Variants in RBFOX3 observed in about 807,000 individuals in gnomAD.
RBFOX3 encodes RNA binding protein fox-1 homolog 3.
Under a neutral mutation model 48.7 loss-of-function variants are expected in RBFOX3, and 17 were observed. The ratio of observed to expected loss-of-function variants is 0.35; its 90% CI spans 0.24 to 0.52. The LOEUF (loss-of-function observed/expected upper bound fraction) is 0.52, where lower values mean the gene tolerates loss of function less well. Ranked by LOEUF, RBFOX3 falls within the 20% of genes least tolerant of loss-of-function variation. RBFOX3 has a pLI of 0.94. For missense variants in RBFOX3, 382 were observed against 497.5 expected (o/e 0.77, Z 2.21); for synonymous variants, 212 against 209.5 (o/e 1.01, Z -0.10).
At chr17:79,558,616 A>G (rs2091953531) in intron 1 of RBFOX3, among the ~76,000 whole-genome samples, 8 of 152,238 alleles carry the variant, frequency 5.3e-5, no homozygotes, top group Admixed American at 2.6e-4. Flanking sequence ...CCATGCACTC[A>G]CTGCTTGAGA....
At chr17:79,094,709 A>G (rs976671104) in intron 13 of RBFOX3, among the ~76,000 whole-genome samples, 180 bp from the exon 14 acceptor site, 1 of 148,470 alleles carries the variant, frequency 6.7e-6, no homozygotes, top group Non-Finnish European at 1.5e-5. Context: ...TCTTGTTAAG[A>G]AGGAAGCTTC....
At chr17:79,192,006 A>G (rs1443738166) in intron 4 of RBFOX3, among the ~76,000 whole-genome samples, 2 of 152,084 alleles carry the variant, frequency 1.3e-5, no homozygotes, top group Non-Finnish European at 2.9e-5. Context: ...GGAAGTGCCT[A>G]TCTGGTGGGG....
At chr17:79,631,945 C>G in the RBFOX3 span, among the ~76,000 whole-genome samples, 1 of 152,170 alleles carries the variant, frequency 6.6e-6, no homozygotes, top group Non-Finnish European at 1.5e-5. Context: ...AGAGAATGAA[C>G]AGCTCACGGA....
rs147846483 is a variant in RBFOX3 at position 79,454,022 on chromosome 17, G to A, written c.-175+28432C>T. Among the ~76,000 whole-genome samples, 6 of 152,240 alleles carry A rather than the reference G, an allele frequency of 3.9e-5. No individual in the cohort carries two copies. In the South Asian group the frequency reaches 8.3e-4, roughly 21 times the overall value. Reference sequence around the variant, plus strand: ...TGAGTTGGGAAGCGTCTTTGGTGACGTCCTGTGTAGGAAATGCGCTCTGAC... The same window carrying A: ...TGAGTTGGGAAGCGTCTTTGGTGACATCCTGTGTAGGAAATGCGCTCTGAC... On this transcript the variant is annotated intron_variant, in intron 2 of 14. Transcript: ENST00000693108.
intron 3 of RBFOX3, among the ~76,000 whole-genome samples, chr17:79,285,177 C>T (rs1051805258): frequency 5.3e-5 from 8 of 152,198 alleles, no homozygotes; most frequent in African/African-American, 1.7e-4. Context: ...GAACAGCCAA[C>T]CCTCCTCTGG....
At chr17:79,417,745 C>T (rs2065621779) in intron 2 of RBFOX3, among the ~76,000 whole-genome samples, 1 of 152,256 alleles carries the variant, frequency 6.6e-6, no homozygotes, top group African/African-American at 2.4e-5. Context: ...GAACTGAGAG[C>T]CGCAACTCCA....
intron 4 of RBFOX3, among the ~76,000 whole-genome samples, chr17:79,181,969 AC>A (rs1321007771): frequency 1.1e-4 from 2 of 17,924 alleles, no homozygotes; most frequent in Non-Finnish European, 2.0e-4. Flanking sequence ...AGAAACACAC[AC>A]ACACACACAC....
intron 2 of RBFOX3, among the ~76,000 whole-genome samples, chr17:79,420,644 ACCGCTTG>A (rs1418417940): frequency 6.6e-6 from 1 of 152,208 alleles, no homozygotes; most frequent in Admixed American, 6.5e-5. Context: ...GTGCACGGGA[ACCGCTTG>A]CCTCCCAGCC....
At chr17:79,508,560 A>C (rs2083537250) in intron 1 of RBFOX3, among the ~76,000 whole-genome samples, 1 of 152,060 alleles carries the variant, frequency 6.6e-6, no homozygotes, top group Admixed American at 6.6e-5. Flanking sequence ...GCCGAAGCTG[A>C]CTGGAGTTTT....
At chr17:79,544,010 G>T (rs1401255106) in intron 1 of RBFOX3, among the ~76,000 whole-genome samples, 1 of 152,202 alleles carries the variant, frequency 6.6e-6, no homozygotes, top group African/African-American at 2.4e-5. Flanking sequence ...GAACAGAGGG[G>T]CTTAAACAAC....
chr17:79,124,917 T>C (rs1695739440), intron 4 of RBFOX3, among the ~76,000 whole-genome samples: 1 of 151,498 alleles, frequency 6.6e-6, no homozygotes, highest in Non-Finnish European at 1.5e-5. Context: ...ACTGACCTTG[T>C]CTCGGGGGGA....
At chr17:79,133,883 C>T (rs964276902) in intron 4 of RBFOX3, among the ~76,000 whole-genome samples, 2 of 152,204 alleles carry the variant, frequency 1.3e-5, no homozygotes, top group East Asian at 1.9e-4. Context: ...TCGGAGCAGC[C>T]CCTGGGCCTC....
At chr17:79,167,119 A>G (rs187397542) in intron 4 of RBFOX3, among the ~76,000 whole-genome samples, 101 of 152,296 alleles carry the variant, frequency 6.6e-4, no homozygotes, top group Non-Finnish European at 1.2e-3. Flanking sequence ...TCTGGGCCGC[A>G]GTTCTTCTCT....
At chr17:79,290,842 G>T (rs2073119234) in intron 3 of RBFOX3, among the ~76,000 whole-genome samples, 1 of 152,168 alleles carries the variant, frequency 6.6e-6, no homozygotes, top group African/African-American at 2.4e-5. Flanking sequence ...CATGCCCTCA[G>T]CCCTGGCCAC....
At chr17:79,176,679 G>A (rs62062336) in intron 4 of RBFOX3, among the ~76,000 whole-genome samples, 12 of 152,190 alleles carry the variant, frequency 7.9e-5, no homozygotes, top group Non-Finnish European at 1.6e-4. Context: ...GGCCTAGTTA[G>A]AGCCTGGGGG....
At chr17:79,624,932 A>G in the RBFOX3 span, among the ~76,000 whole-genome samples, 1 of 150,366 alleles carries the variant, frequency 6.7e-6, no homozygotes. Context: ...CAAGGGCAGG[A>G]CTCCTGCCCT....
chr17:79,115,970 T>C (rs1020750387), intron 4 of RBFOX3, among the ~76,000 whole-genome samples: 5 of 152,174 alleles, frequency 3.3e-5, no homozygotes, highest in Admixed American at 2.0e-4. Flanking sequence ...CAGACACCCC[T>C]GGAGTTCAGC....
rs2073784816 is a variant in RBFOX3 at position 79,293,456 on chromosome 17, CT to C, written c.-74+14267del. Among the ~76,000 whole-genome samples, 3 of 110,784 alleles carry C rather than the reference CT, an allele frequency of 2.7e-5. No homozygotes were observed. In the Admixed American group the frequency reaches 2.9e-4, roughly 11 times the overall value. The allele number at this position is 110,784 out of a possible 152,430, so 72.7% of individuals were successfully genotyped here. Reference sequence around the variant, plus strand: ...CCTTCCTTCCTTCCTTCCTTCCTTCCTTCCTTCCTTCCCTTCCTTCCTGTCT... The same window carrying C: ...CCTTCCTTCCTTCCTTCCTTCCTTCCTCCTTCCTTCCCTTCCTTCCTGTCT... On this transcript the variant is annotated intron_variant, in intron 3 of 14. Transcript: ENST00000693108.
intron 2 of RBFOX3, among the ~76,000 whole-genome samples, chr17:79,385,769 A>G (rs997644984): frequency 2.6e-5 from 4 of 151,954 alleles, no homozygotes; most frequent in Admixed American, 1.3e-4. Context: ...ATCACTCTCC[A>G]TTACAGAAGG....
Sources: allele counts gnomAD v4.1 joint callset (sites outside exome capture counted in the v4.1 genomes callset), GRCh38; gene constraint gnomAD v4.1.1; transcripts MANE v1.5; gene names NCBI Gene and HGNC (gene_info 2026-07-23, HGNC 2026-07-21).